Variants in SMURF1 observed in about 807,000 individuals in gnomAD.
SMURF1 encodes the protein E3 ubiquitin-protein ligase SMURF1.
A neutral mutation model predicts 98.0 loss-of-function variants in SMURF1; 44 were observed. That is an observed-to-expected ratio of 0.45 (90% CI 0.35 to 0.58). The LOEUF (loss-of-function observed/expected upper bound fraction) is 0.58. SMURF1 is among the 20% of genes least tolerant of loss of function. SMURF1 has a pLI of 0.00. For synonymous variants in SMURF1, 396 were observed against 374.9 expected, an observed-to-expected ratio of 1.06 and a Z score of -0.65; for missense variants, 687 against 938.4, an observed-to-expected ratio of 0.73 and a Z score of 3.50.
At chr7:99,072,923 T>G (rs1259914480) in intron 1 of SMURF1, among the ~76,000 whole-genome samples, 3 of 152,218 alleles carry the variant, frequency 2.0e-5, no homozygotes, top group Admixed American at 2.0e-4. Context: ...AAAATAATTA[T>G]GCTCAACTTG....
intron 15 of SMURF1, chr7:99,035,957 G>C: frequency 3.7e-6 from 2 of 545,346 alleles, no homozygotes; most frequent in Non-Finnish European, 6.6e-6. Context: ...GCTGTTGATG[G>C]GATGTTATTT....
chr7:99,032,360 G>C (rs778118450), intron 17 of SMURF1, among the ~76,000 whole-genome samples: 2 of 152,148 alleles, frequency 1.3e-5, no homozygotes, highest in Admixed American at 6.5e-5. Flanking sequence ...CCTACAAATC[G>C]GAAAACAGCT....
At chr7:99,051,312 A>G (rs1795748272) in intron 8 of SMURF1, 45 bp downstream of exon 8, 1 of 1,489,096 alleles carries the variant, frequency 6.7e-7, no homozygotes, top group African/African-American at 1.4e-5. Flanking sequence ...TTTCAAGTCA[A>G]CTGCTGGAAA....
chr7:99,037,133 C>T lies in SMURF1; in HGVS notation c.1743G>A (p.Leu581=). The part of the protein sequence containing the change: ...MRGIEAQFLA[L]QKGFNELIPQ... ...GGATGAGCTCATTGAACCCCTTCTG[C>T]AGAGCTAAGAACTGGGCTTCGATTC... Residue 581 remains leucine, a synonymous_variant, in exon 15 of 18, where the codon CTG becomes CTA. Transcript: ENST00000361368. The T allele has an allele frequency of 6.2e-7, 1 of 1,614,148 alleles. No homozygotes were observed. Among genetic ancestry groups the T allele is most frequent in the Non-Finnish European group, 8.5e-7 (1 of 1,180,038 alleles).
Position 99,027,492 on chromosome 7 carries a change from C to T in SMURF1, c.*3092G>A, listed in dbSNP as rs1266455965. On this transcript the variant is annotated 3_prime_UTR_variant, in exon 18 of 18. Transcript: ENST00000361368. ...ACAAAATGAACCTGACCTCCTGGGCCCAGCCTGCTGTACAATCACTGTTTG... is the reference window on the plus strand; with the variant it reads ...ACAAAATGAACCTGACCTCCTGGGCTCAGCCTGCTGTACAATCACTGTTTG... The T allele has an allele frequency of 6.6e-6, 1 of 152,574 alleles. No individual in the cohort carries two copies. The highest frequency in any genetic ancestry group is 1.5e-5 in the Non-Finnish European group (1 of 68,036). The allele number at this position is 152,574 out of a possible 1,614,324, so 9.5% of individuals were successfully genotyped here.
chr7:99,059,384 C>A (rs1795964694), intron 3 of SMURF1, among the ~76,000 whole-genome samples: 1 of 132,686 alleles, frequency 7.5e-6, no homozygotes, highest in Non-Finnish European at 1.6e-5. Flanking sequence ...GGCGACAGAG[C>A]AAGACTCCAT....
chr7:99,129,782 C>T (rs140727256), intron 1 of SMURF1, among the ~76,000 whole-genome samples: 3 of 152,348 alleles, frequency 2.0e-5, no homozygotes, highest in East Asian at 3.9e-4. Context: ...CATCATTCCA[C>T]CTTGCTGATT....
At chr7:99,142,417 A>T (rs969365793) in intron 1 of SMURF1, among the ~76,000 whole-genome samples, 2 of 151,922 alleles carry the variant, frequency 1.3e-5, no homozygotes, top group African/African-American at 2.4e-5. Context: ...CCTAAGAGAC[A>T]GGAAGTGGCC....
At chr7:99,060,882 A>G (rs79572527) in intron 2 of SMURF1, among the ~76,000 whole-genome samples, 175 bp from the exon 3 acceptor site, 12,838 of 151,812 alleles carry the variant, frequency 0.085, 707 homozygotes, top group East Asian at 0.22. Context: ...TTTAGAGGGT[A>G]GAAAAGAAAG....
intron 1 of SMURF1, among the ~76,000 whole-genome samples, chr7:99,076,778 C>G (rs762665744): frequency 2.0e-5 from 3 of 152,074 alleles, no homozygotes; most frequent in Non-Finnish European, 4.4e-5. Context: ...CGTGTGTATG[C>G]GTATGTACAT....
chr7:99,032,690 G>GA (rs1794953531), intron 17 of SMURF1, among the ~76,000 whole-genome samples: 2 of 152,080 alleles, frequency 1.3e-5, no homozygotes, highest in African/African-American at 2.4e-5. Context: ...TAAATCAAGA[G>GA]AAAATCTATA....
chr7:99,112,932 G>A (rs2150606601), intron 1 of SMURF1, among the ~76,000 whole-genome samples: 2 of 152,202 alleles, frequency 1.3e-5, no homozygotes, highest in East Asian at 1.9e-4. Flanking sequence ...GAAGTCATGA[G>A]AATAGATAAA....
chr7:99,133,021 TG>T (rs2150644359), intron 1 of SMURF1, among the ~76,000 whole-genome samples: 2 of 152,176 alleles, frequency 1.3e-5, no homozygotes, highest in Admixed American at 6.5e-5. Flanking sequence ...CCAAGGAGGC[TG>T]GGGTGGTGGT....
At chr7:99,039,755 C>T (rs540053542) in intron 13 of SMURF1, among the ~76,000 whole-genome samples, 62 of 152,286 alleles carry the variant, frequency 4.1e-4, no homozygotes, top group African/African-American at 1.3e-3. Flanking sequence ...GCCCCGACTC[C>T]GACTCACCCA....
chr7:99,128,697 G>A (rs1797797135), intron 1 of SMURF1, among the ~76,000 whole-genome samples: 1 of 152,186 alleles, frequency 6.6e-6, no homozygotes, highest in Non-Finnish European at 1.5e-5. Context: ...AATGTGCTGG[G>A]TGTATCAAAG....
chr7:99,063,651 G>A (rs1796120367), intron 1 of SMURF1, among the ~76,000 whole-genome samples: 1 of 151,838 alleles, frequency 6.6e-6, no homozygotes, highest in South Asian at 2.1e-4. Flanking sequence ...GTGGTTTTTA[G>A]TATACTCATG....
intron 16 of SMURF1, among the ~76,000 whole-genome samples, chr7:99,034,616 G>C (rs964913964): frequency 6.6e-6 from 1 of 152,148 alleles, no homozygotes; most frequent in East Asian, 1.9e-4. Context: ...TGGGAGAACT[G>C]AATGAGAAAG....
chr7:99,142,300 C>G (rs1798139539), intron 1 of SMURF1, among the ~76,000 whole-genome samples: 1 of 152,138 alleles, frequency 6.6e-6, no homozygotes, highest in African/African-American at 2.4e-5. Context: ...GAGTAGGGAT[C>G]AGAGCCTCAC....
intron 1 of SMURF1, among the ~76,000 whole-genome samples, chr7:99,133,157 C>G (rs1194760471): frequency 6.6e-6 from 1 of 152,206 alleles, no homozygotes; most frequent in African/African-American, 2.4e-5. Context: ...TGAAATCTGA[C>G]TAAGCTCTGG....
Sources: allele counts gnomAD v4.1 joint callset (sites outside exome capture counted in the v4.1 genomes callset), GRCh38; gene constraint gnomAD v4.1.1; transcripts MANE v1.5; gene names NCBI Gene and HGNC (gene_info 2026-07-23, HGNC 2026-07-21).